Variants in DHRSX observed in about 807,000 individuals in gnomAD.
The protein encoded by DHRSX is dehydrogenase/reductase X-linked, also known as polyprenol dehydrogenase.
DHRSX carries 31 observed loss-of-function variants against 34.0 expected under a neutral mutation model. The ratio of observed to expected loss-of-function variants is 0.91; its 90% CI spans 0.69 to 1.23. The LOEUF is 1.23. Among genes scored for constraint, DHRSX ranks in the 50% most tolerant of loss-of-function variants. The pLI, the probability that DHRSX is intolerant of heterozygous loss-of-function variation, is 0.00. For synonymous variants in DHRSX, 201 were observed against 183.8 expected (o/e 1.09, Z -0.76); for missense variants, 414 against 428.1 (o/e 0.97, Z 0.29).
intron 3 of DHRSX, among the ~76,000 whole-genome samples, chrX:2,396,087 C>G (rs1217063891): frequency 6.6e-6 from 1 of 152,044 alleles, no homozygotes; most frequent in Non-Finnish European, 1.5e-5. Context: ...CCAGGAGTCC[C>G]TGGGTTTGTG....
At chrX:2,346,017 A>G (rs938293752) in intron 3 of DHRSX, among the ~76,000 whole-genome samples, 8 of 151,796 alleles carry the variant, frequency 5.3e-5, no homozygotes, top group Non-Finnish European at 7.4e-5. Context: ...TGCGGCACCC[A>G]CCTCCCGTGG....
intron 1 of DHRSX, among the ~76,000 whole-genome samples, chrX:2,434,603 C>T (rs1452809661): frequency 3.3e-5 from 5 of 152,092 alleles, no homozygotes; most frequent in African/African-American, 1.2e-4. Flanking sequence ...CCCAGGAGGT[C>T]GAGGCTGCGG....
At chrX:2,379,952 CA>C (rs1372891670) in intron 3 of DHRSX, among the ~76,000 whole-genome samples, 1 of 152,026 alleles carries the variant, frequency 6.6e-6, no homozygotes, top group Non-Finnish European at 1.5e-5. Context: ...CTCCAAAACC[CA>C]AGGTTTTTCT....
intron 3 of DHRSX, among the ~76,000 whole-genome samples, chrX:2,315,455 A>T (rs1285202655): frequency 6.6e-6 from 1 of 152,142 alleles, no homozygotes; most frequent in Non-Finnish European, 1.5e-5. Context: ...TCGTCTGAGG[A>T]TCCTGTTTCT....
chrX:2,444,496 C>G (rs1386668099), intron 1 of DHRSX, among the ~76,000 whole-genome samples: 3 of 152,134 alleles, frequency 2.0e-5, no homozygotes, highest in East Asian at 3.9e-4. Context: ...GGGACAGTGT[C>G]TGAGGGTATG....
At chrX:2,297,988 T>A (rs2041954872) in intron 3 of DHRSX, among the ~76,000 whole-genome samples, 1 of 152,094 alleles carries the variant, frequency 6.6e-6, no homozygotes, top group Non-Finnish European at 1.5e-5. Flanking sequence ...ACTCCTGACC[T>A]CAGGTGATCT....
At chrX:2,306,737 T>C (rs1176274038) in intron 3 of DHRSX, among the ~76,000 whole-genome samples, 15 of 152,136 alleles carry the variant, frequency 9.9e-5, no homozygotes, top group Admixed American at 2.6e-4. Context: ...ATCTGGGATA[T>C]TGGCCTGTAG....
At chrX:2,499,009 C>CT (rs2045348210) in intron 1 of DHRSX, among the ~76,000 whole-genome samples, 2 of 152,168 alleles carry the variant, frequency 1.3e-5, no homozygotes, top group African/African-American at 4.8e-5. Flanking sequence ...AAAAGAAAAG[C>CT]TTAGCTCACA....
intron 3 of DHRSX, among the ~76,000 whole-genome samples, chrX:2,309,495 C>T (rs188630999): frequency 6.6e-6 from 1 of 151,790 alleles, no homozygotes; most frequent in East Asian, 1.9e-4. Context: ...AAAAAATTTC[C>T]AGAAATGCTG....
chrX:2,478,763 A>G (rs1329138054), intron 1 of DHRSX, among the ~76,000 whole-genome samples: 1 of 151,458 alleles, frequency 6.6e-6, no homozygotes, highest in Non-Finnish European at 1.5e-5. Context: ...CCAAGGGACC[A>G]CCATTGTGTA....
At chrX:2,440,530 C>T (rs997922420) in intron 1 of DHRSX, among the ~76,000 whole-genome samples, 1 of 147,186 alleles carries the variant, frequency 6.8e-6, no homozygotes, top group African/African-American at 2.6e-5. Flanking sequence ...GTTTTTCTTT[C>T]TTTCTTTTTT....
At chrX:2,319,181 C>T (rs1482049409) in intron 3 of DHRSX, among the ~76,000 whole-genome samples, 5 of 151,688 alleles carry the variant, frequency 3.3e-5, no homozygotes, top group African/African-American at 4.8e-5. Context: ...GACTTTCACC[C>T]GAGATGACTC....
intron 1 of DHRSX, among the ~76,000 whole-genome samples, chrX:2,485,750 G>A (rs183982239): frequency 0.011 from 614 of 57,084 alleles, 31 homozygotes; most frequent in African/African-American, 0.023. Context: ...GAGAAGGGAG[G>A]GAAGGAAGGG....
At chrX:2,358,526 C>T (rs1345562328) in intron 3 of DHRSX, among the ~76,000 whole-genome samples, 5 of 151,982 alleles carry the variant, frequency 3.3e-5, no homozygotes, top group African/African-American at 9.7e-5. Flanking sequence ...TGAAACCCTG[C>T]CTCTACTAAG....
chrX:2,366,690 T>C (rs1373005001), intron 3 of DHRSX, among the ~76,000 whole-genome samples: 1 of 151,900 alleles, frequency 6.6e-6, no homozygotes, highest in Non-Finnish European at 1.5e-5. Context: ...CTCCACCTCC[T>C]GGGCTCAAGC....
chrX:2,314,469 AGAAG>A (rs1307048568), intron 3 of DHRSX, among the ~76,000 whole-genome samples: 24 of 19,698 alleles, frequency 1.2e-3, no homozygotes, highest in East Asian at 2.9e-3. Flanking sequence ...AAGGAAGGGG[AGAAG>A]GAAGGAAGGA....
intron 1 of DHRSX, among the ~76,000 whole-genome samples, chrX:2,432,087 G>A (rs764662100): frequency 1.4e-4 from 22 of 152,214 alleles, no homozygotes; most frequent in African/African-American, 4.6e-4. Flanking sequence ...CCAGCGACTC[G>A]GGAGGCTGAG....
intron 5 of DHRSX, 71 bp from the exon 6 acceptor site, chrX:2,243,301 T>A: frequency 1.4e-6 from 2 of 1,411,738 alleles, no homozygotes; most frequent in Non-Finnish European, 2.0e-6. Flanking sequence ...CCCAGCAGCA[T>A]CTGTACCTGC....
intron 2 of DHRSX, among the ~76,000 whole-genome samples, chrX:2,413,997 CCAA>C (rs1235987276): frequency 6.6e-6 from 1 of 151,914 alleles, no homozygotes; most frequent in Non-Finnish European, 1.5e-5. Flanking sequence ...CTCATCACAA[CCAA>C]CGACACTAGA....
Sources: allele counts gnomAD v4.1 joint callset (sites outside exome capture counted in the v4.1 genomes callset), GRCh38; gene constraint gnomAD v4.1.1; transcripts MANE v1.5; gene names NCBI Gene and HGNC (gene_info 2026-07-23, HGNC 2026-07-21).